Variants in RXRA observed in about 807,000 individuals in gnomAD.
RXRA encodes the protein retinoid X receptor alpha, also known as retinoic acid receptor RXR-alpha.
RXRA carries 5 observed loss-of-function variants against 44.5 expected under a neutral mutation model. The ratio of observed to expected loss-of-function variants is 0.11; its 90% CI spans 0.06 to 0.24. The LOEUF (loss-of-function observed/expected upper bound fraction) is 0.24, where lower values mean the gene tolerates loss of function less well. Among genes scored for constraint, RXRA ranks in the 10% least tolerant of loss-of-function variants. The pLI is 1.00. For synonymous variants in RXRA, 291 were observed against 271.4 expected (o/e 1.07, Z -0.71); for missense variants, 412 against 646.5 (o/e 0.64, Z 3.93).
intron 7 of RXRA, among the ~76,000 whole-genome samples, chr9:134,431,063 C>A (rs1330233467): frequency 6.6e-6 from 1 of 152,258 alleles, no homozygotes; most frequent in African/African-American, 2.4e-5. Context: ...CCCCATTCTG[C>A]AGACCCTCAG....
chr9:134,389,206 G>A (rs531146592), intron 1 of RXRA, among the ~76,000 whole-genome samples: 1 of 152,204 alleles, frequency 6.6e-6, no homozygotes, highest in African/African-American at 2.4e-5. Context: ...CACGGAACCC[G>A]TTTTCCCGGA....
intron 6 of RXRA, 200 bp downstream of exon 6, chr9:134,422,005 TC>T (rs1165612551): frequency 2.3e-6 from 3 of 1,332,990 alleles, no homozygotes; most frequent in Non-Finnish European, 2.9e-6. Context: ...CACTCCCCCT[TC>T]CCGGAACACA....
chr9:134,417,141 C>T lies in RXRA; in HGVS notation c.611-17C>T, dbSNP rs1805351. 1.7e-5 allele frequency: 27 copies of T among 1,604,150 alleles called. No homozygotes were observed. Among genetic ancestry groups the T allele is most frequent in the South Asian group, 8.8e-5 (8 of 90,762 alleles). On this transcript the variant is annotated splice_polypyrimidine_tract_variant and intron_variant, in intron 4 of 9. Transcript: ENST00000481739. This position sits in a 1 kb window ranked among gnomAD's most constrained non-coding sequence, Gnocchi z 6.1. ...CCGGGCTGAGCGTGGGGCTCACCTG[C>T]GCCTCCCGGGTTGTAGCCGTGCAGG...
chr9:134,381,850 C>T (rs1156889322), intron 1 of RXRA, among the ~76,000 whole-genome samples: 1 of 152,102 alleles, frequency 6.6e-6, no homozygotes, highest in East Asian at 1.9e-4. Flanking sequence ...CGTGAAGTGG[C>T]CACAAGGTGC....
intron 5 of RXRA, among the ~76,000 whole-genome samples, chr9:134,418,236 C>T (rs181096594): frequency 3.9e-4 from 60 of 152,270 alleles, no homozygotes; most frequent in Non-Finnish European, 5.9e-4. Flanking sequence ...CAGCTGTGCC[C>T]GGGGTTGGGC....
At chr9:134,371,025 A>C (rs1399881776) in intron 1 of RXRA, among the ~76,000 whole-genome samples, 1 of 151,064 alleles carries the variant, frequency 6.6e-6, no homozygotes, top group Non-Finnish European at 1.5e-5. Flanking sequence ...TTGAGGGCTG[A>C]GTGCTGAAGA....
chr9:134,345,795 A>G (rs1200585094), intron 1 of RXRA, among the ~76,000 whole-genome samples: 1 of 152,136 alleles, frequency 6.6e-6, no homozygotes, highest in Non-Finnish European at 1.5e-5. Context: ...GAAAATAATC[A>G]AAGTCTTGAC....
chr9:134,393,781 T>C (rs1830833814), intron 1 of RXRA, among the ~76,000 whole-genome samples: 1 of 152,158 alleles, frequency 6.6e-6, no homozygotes, highest in African/African-American at 2.4e-5. Context: ...AGCCCCCTCC[T>C]GAGCACCCTC....
chr9:134,425,889 T>A, intron 6 of RXRA: 2 of 985,254 alleles, frequency 2.0e-6, no homozygotes, highest in Non-Finnish European at 2.4e-6. Context: ...GTTATTACTG[T>A]CCCTTGTGCT....
At position 134,365,299 on chromosome 9, in the gene RXRA, C is replaced by T. The variant is rs554838656; in HGVS notation, c.29-36333C>T. Among the ~76,000 whole-genome samples, 7 of 152,344 alleles carry T rather than the reference C, an allele frequency of 4.6e-5. No individual in the cohort carries two copies. Among genetic ancestry groups the T allele is most frequent in the East Asian group, 1.9e-4 (1 of 5,188 alleles). On this transcript the variant is annotated intron_variant, in intron 1 of 9. Transcript: ENST00000481739. The surrounding 1 kb of genome is among the most constrained non-coding windows in gnomAD (Gnocchi z 4.0). ...TGCAGGCGCTCGAGCTGAAAGCCCT[C>T]GCCCCTCGTGGTGGGGCAGCGCGTC...
chr9:134,430,088 G>A (rs550581316), intron 7 of RXRA, among the ~76,000 whole-genome samples: 7 of 152,230 alleles, frequency 4.6e-5, no homozygotes, highest in East Asian at 3.9e-4. Flanking sequence ...GGGTTTCACC[G>A]TGTTAGCCAG....
At chr9:134,361,099 G>A (rs544248302) in intron 1 of RXRA, among the ~76,000 whole-genome samples, 12 of 152,308 alleles carry the variant, frequency 7.9e-5, no homozygotes, top group Non-Finnish European at 1.2e-4. Flanking sequence ...CTGGCCCTTC[G>A]CTGTCAGACT....
intron 1 of RXRA, among the ~76,000 whole-genome samples, chr9:134,332,487 C>T (rs940527811): frequency 2.0e-5 from 3 of 151,130 alleles, no homozygotes; most frequent in East Asian, 2.0e-4. Flanking sequence ...AGGGAGCGCC[C>T]GCTGGGTGCT....
At chr9:134,410,092 G>GT (rs1747633963) in intron 4 of RXRA, among the ~76,000 whole-genome samples, 1 of 152,222 alleles carries the variant, frequency 6.6e-6, no homozygotes, top group Non-Finnish European at 1.5e-5. Context: ...CATCTCTCTT[G>GT]TGTATGTCTT....
Position 134,422,409 on chromosome 9 carries a change from C to G in RXRA, c.910+604C>G, listed in dbSNP as rs193106491. 3.1e-6 allele frequency: 4 copies of G among 1,276,490 alleles called. No individual in the cohort carries two copies. The East Asian group carries it at 1.7e-4, about 55-fold the overall frequency. The allele number at this position is 1,276,490 out of a possible 1,614,324, so 79.1% of individuals were successfully genotyped here. A position where few individuals can be genotyped will look rare whatever the true frequency, so the allele number is the denominator to read the frequency against. ...CCCGGGACACTCCCCCGTCCCGTGA[C>G]ATTCCACTCTCCCTGGACGCTCCCC... is the stretch of plus-strand genomic sequence containing the variant. On this transcript the variant is annotated intron_variant, in intron 6 of 9. Transcript: ENST00000481739.
chr9:134,373,219 A>G (rs1830511674), intron 1 of RXRA, among the ~76,000 whole-genome samples: 1 of 151,710 alleles, frequency 6.6e-6, no homozygotes, highest in Non-Finnish European at 1.5e-5. Flanking sequence ...GGGATGAAGG[A>G]CTCGGGTCCC....
At chr9:134,354,087 A>G (rs1465324892) in intron 1 of RXRA, among the ~76,000 whole-genome samples, 1 of 152,150 alleles carries the variant, frequency 6.6e-6, no homozygotes, top group African/African-American at 2.4e-5. Flanking sequence ...CATGCCTGGG[A>G]AAGCCTAGAG....
At position 134,407,222 on chromosome 9, in the gene RXRA, C is replaced by A. The variant is rs929059570; in HGVS notation, c.280-927C>A. On this transcript the variant is annotated intron_variant, in intron 2 of 9. Coordinates refer to ENST00000481739, the MANE Select transcript of RXRA (RefSeq NM_002957.6). This position sits in a 1 kb window ranked among gnomAD's most constrained non-coding sequence, Gnocchi z 4.8. ...CTTTGCTTGCATTGAGCCTCAAACT[C>A]TTCCTGTCCCGTGAGAAGGGGGGAT... Among the ~76,000 whole-genome samples the A allele has an allele frequency of 1.3e-5, 2 of 152,240 alleles. No homozygotes were observed. Among genetic ancestry groups the A allele is most frequent in the African/African-American group, 4.8e-5 (2 of 41,464 alleles).
chr9:134,384,370 G>A (rs111338177), intron 1 of RXRA, among the ~76,000 whole-genome samples: 15,861 of 152,296 alleles, frequency 0.1, 2,772 homozygotes, highest in African/African-American at 0.36. Flanking sequence ...TGGCTGGGCC[G>A]GTGGTGCAGA....
Sources: allele counts gnomAD v4.1 joint callset (sites outside exome capture counted in the v4.1 genomes callset), GRCh38; gene constraint gnomAD v4.1.1; non-coding constraint Gnocchi (gnomAD v3.1); transcripts MANE v1.5; gene names NCBI Gene and HGNC (gene_info 2026-07-23, HGNC 2026-07-21).